Variants in PCDH9 observed in about 807,000 individuals in gnomAD.
The protein encoded by PCDH9 is protocadherin-9.
A neutral mutation model predicts 70.6 loss-of-function variants in PCDH9; 24 were observed. The ratio of observed to expected loss-of-function variants is 0.34; its 90% CI spans 0.25 to 0.48. The LOEUF (loss-of-function observed/expected upper bound fraction) is 0.48. Ranked by LOEUF, PCDH9 falls within the 20% of genes least tolerant of loss-of-function variation. The pLI, the probability that PCDH9 is intolerant of heterozygous loss-of-function variation, is 0.99. For missense variants in PCDH9, 1,281 were observed against 1,503.6 expected, an observed-to-expected ratio of 0.85 and a Z score of 2.45; for synonymous variants, 562 against 558.5, an observed-to-expected ratio of 1.01 and a Z score of -0.09.
intron 4 of PCDH9, among the ~76,000 whole-genome samples, chr13:66,494,203 G>A (rs4884673): frequency 0.78 from 118,208 of 151,976 alleles, 47,130 homozygotes; most frequent in East Asian, 0.91. Context: ...AAGAATTTTC[G>A]ATGTAAAGAA....
intron 4 of PCDH9, among the ~76,000 whole-genome samples, chr13:66,552,370 T>C (rs890222123): frequency 6.6e-6 from 1 of 152,150 alleles, no homozygotes; most frequent in African/African-American, 2.4e-5. Flanking sequence ...GATATTTGCA[T>C]GTCTGGATGG....
chr13:66,838,617 GA>G (rs1555274534), intron 3 of PCDH9, among the ~76,000 whole-genome samples: 1 of 151,832 alleles, frequency 6.6e-6, no homozygotes, highest in Non-Finnish European at 1.5e-5. Flanking sequence ...ATGCTAGCAT[GA>G]AAAACTCTGG....
At chr13:66,838,334 T>C (rs2081058075) in intron 3 of PCDH9, among the ~76,000 whole-genome samples, 1 of 152,074 alleles carries the variant, frequency 6.6e-6, no homozygotes, top group African/African-American at 2.4e-5. Context: ...AGGAGTATTT[T>C]TATTTCCCTT....
intron 3 of PCDH9, among the ~76,000 whole-genome samples, chr13:66,736,361 C>T (rs1177209543): frequency 1.3e-5 from 2 of 152,114 alleles, no homozygotes; most frequent in Non-Finnish European, 2.9e-5. Flanking sequence ...AAAGGGACAC[C>T]AGGTATGCAC....
At chr13:67,002,867 C>G (rs560279417) in intron 2 of PCDH9, among the ~76,000 whole-genome samples, 2 of 152,000 alleles carry the variant, frequency 1.3e-5, no homozygotes, top group African/African-American at 4.8e-5. Context: ...GCTATCTGAT[C>G]TAGTTCTTTT....
chr13:66,437,921 A>G (rs1267662023), intron 4 of PCDH9, among the ~76,000 whole-genome samples: 2 of 152,048 alleles, frequency 1.3e-5, no homozygotes, highest in Non-Finnish European at 2.9e-5. Flanking sequence ...TGCTGTTTCT[A>G]TGGTTGTTTT....
intron 3 of PCDH9, among the ~76,000 whole-genome samples, chr13:66,729,352 G>A (rs988831208): frequency 2.0e-5 from 3 of 152,080 alleles, no homozygotes; most frequent in Non-Finnish European, 4.4e-5. Flanking sequence ...TAGTACAATA[G>A]ACAATCAAGT....
intron 4 of PCDH9, among the ~76,000 whole-genome samples, chr13:66,551,223 A>T (rs1269622359): frequency 6.6e-6 from 1 of 152,148 alleles, no homozygotes; most frequent in Non-Finnish European, 1.5e-5. Context: ...ATCCCCAAGG[A>T]CCATATCCAA....
chr13:66,430,313 G>A (rs1437452483), intron 4 of PCDH9, among the ~76,000 whole-genome samples: 1 of 151,880 alleles, frequency 6.6e-6, no homozygotes, highest in African/African-American at 2.4e-5. Context: ...GATATATCAA[G>A]GGCACATTTT....
intron 3 of PCDH9, among the ~76,000 whole-genome samples, chr13:66,849,553 A>C (rs2081281510): frequency 9.8e-6 from 1 of 102,398 alleles, no homozygotes; most frequent in Non-Finnish European, 1.9e-5. Flanking sequence ...GAGATTGCAA[A>C]TCTTACCTGG....
At chr13:66,389,812 A>G (rs1019872148) in intron 4 of PCDH9, among the ~76,000 whole-genome samples, 3 of 152,214 alleles carry the variant, frequency 2.0e-5, no homozygotes, top group Non-Finnish European at 2.9e-5. Context: ...GACTTCCATC[A>G]TGAAAGTTCT....
intron 2 of PCDH9, among the ~76,000 whole-genome samples, chr13:67,028,160 G>A (rs1365157194): frequency 6.7e-6 from 1 of 148,458 alleles, no homozygotes; most frequent in East Asian, 2.0e-4. Flanking sequence ...CAAAGACTTG[G>A]AAACAACCCA....
chr13:66,651,240 T>C (rs551551303), intron 3 of PCDH9, among the ~76,000 whole-genome samples: 2 of 151,746 alleles, frequency 1.3e-5, no homozygotes, highest in South Asian at 4.1e-4. Flanking sequence ...AAAAGTGTTT[T>C]TTAAATAAAA....
intron 2 of PCDH9, among the ~76,000 whole-genome samples, chr13:67,152,615 G>A (rs1390141119): frequency 6.6e-6 from 1 of 152,158 alleles, no homozygotes; most frequent in African/African-American, 2.4e-5. Flanking sequence ...CTTGTGGAAA[G>A]GAAGGAATAT....
At chr13:66,543,335 C>G (rs1219163709) in intron 4 of PCDH9, among the ~76,000 whole-genome samples, 1 of 152,054 alleles carries the variant, frequency 6.6e-6, no homozygotes, top group Non-Finnish European at 1.5e-5. Flanking sequence ...CTTTGGGAGG[C>G]TGAGGCAGGT....
intron 3 of PCDH9, among the ~76,000 whole-genome samples, chr13:66,868,848 C>A (rs1163271298): frequency 3.9e-5 from 6 of 152,082 alleles, no homozygotes; most frequent in African/African-American, 1.4e-4. Flanking sequence ...TTGCCTGACA[C>A]TTTGCTAGGA....
chr13:66,938,351 A>G (rs1013703711), intron 2 of PCDH9, among the ~76,000 whole-genome samples: 4 of 152,240 alleles, frequency 2.6e-5, no homozygotes, highest in Non-Finnish European at 5.9e-5. Context: ...TTTGAAAAAA[A>G]GAGCCACAGA....
At chr13:67,193,333 AC>A (rs879569886) in intron 2 of PCDH9, among the ~76,000 whole-genome samples, 7,525 of 35,920 alleles carry the variant, frequency 0.21, 239 homozygotes, top group Middle Eastern at 0.36. Context: ...GGAGATTAAA[AC>A]ACACACACAC....
intron 4 of PCDH9, among the ~76,000 whole-genome samples, chr13:66,564,218 A>T (rs1003475407): frequency 1.3e-5 from 2 of 152,150 alleles, no homozygotes; most frequent in African/African-American, 4.8e-5. Context: ...ATGCTAGAGT[A>T]CAGTGGCATG....
Sources: allele counts gnomAD v4.1 joint callset (sites outside exome capture counted in the v4.1 genomes callset), GRCh38; gene constraint gnomAD v4.1.1; transcripts MANE v1.5; gene names NCBI Gene and HGNC (gene_info 2026-07-23, HGNC 2026-07-21).